The following RNLS variants were observed in gnomAD, a reference collection of about 807,000 sequenced individuals.
RNLS encodes the protein renalase.
Under a neutral mutation model 39.8 loss-of-function variants are expected in RNLS, and 39 were observed. The observed-to-expected ratio is 0.98, with a 90% CI of 0.76 to 1.28. The LOEUF (loss-of-function observed/expected upper bound fraction) is 1.28. Ranked by LOEUF, RNLS falls within the 50% of genes most tolerant of loss-of-function variation. The pLI, the probability that RNLS is intolerant of heterozygous loss-of-function variation, is 0.00. For synonymous variants in RNLS, 147 were observed against 150.7 expected (o/e 0.98, Z 0.18); for missense variants, 410 against 413.3 (o/e 0.99, Z 0.07).
the RNLS span, among the ~76,000 whole-genome samples, chr10:88,212,360 T>G: frequency 6.6e-6 from 1 of 152,206 alleles, no homozygotes; most frequent in East Asian, 1.9e-4. Context: ...ATTTGTCCTG[T>G]GTGTATGTAA....
At chr10:88,381,543 T>C (rs1851496006) in intron 4 of RNLS, among the ~76,000 whole-genome samples, 2 of 151,936 alleles carry the variant, frequency 1.3e-5, no homozygotes, top group Admixed American at 6.6e-5. Context: ...TTTTAAAAAA[T>C]TCTTTTATTA....
chr10:88,279,272 T>C (rs1337336139), downstream of RNLS, among the ~76,000 whole-genome samples: 1 of 152,156 alleles, frequency 6.6e-6, no homozygotes, highest in Non-Finnish European at 1.5e-5. Flanking sequence ...CCTATAGATG[T>C]AGTGACGGCT....
At chr10:88,329,753 A>T (rs1846946800) in intron 5 of RNLS, among the ~76,000 whole-genome samples, 1 of 151,818 alleles carries the variant, frequency 6.6e-6, no homozygotes, top group African/African-American at 2.4e-5. Flanking sequence ...TTAGTTCACC[A>T]TTCTCCTTAC....
chr10:88,272,920 C>T (rs369123110), downstream of RNLS, among the ~76,000 whole-genome samples: 1 of 152,122 alleles, frequency 6.6e-6, no homozygotes, highest in Non-Finnish European at 1.5e-5. Flanking sequence ...AAATACATAT[C>T]CCTAGACCCC....
At chr10:88,243,972 G>A in the RNLS span, among the ~76,000 whole-genome samples, 9 of 152,352 alleles carry the variant, frequency 5.9e-5, no homozygotes, top group South Asian at 4.1e-4. Flanking sequence ...ACTTCAGCCT[G>A]CATCTTGGCC....
downstream of RNLS, among the ~76,000 whole-genome samples, chr10:88,283,459 C>T (rs1158681702): frequency 6.6e-6 from 1 of 152,098 alleles, no homozygotes; most frequent in African/African-American, 2.4e-5. Flanking sequence ...ACAAATATAG[C>T]ATTGTTTTTA....
At chr10:88,232,261 ATCTGAACCACCCTCCAAAGAAGG>A in the RNLS span, among the ~76,000 whole-genome samples, 79 of 152,276 alleles carry the variant, frequency 5.2e-4, no homozygotes, top group African/African-American at 1.8e-3. Flanking sequence ...CCACGACTGC[ATCTGAACCACCCTCCAAAGAAGG>A]TCTGAGGGAA....
chr10:88,212,782 G>A, the RNLS span, among the ~76,000 whole-genome samples: 2 of 152,164 alleles, frequency 1.3e-5, no homozygotes, highest in South Asian at 2.1e-4. Context: ...AATGACTGTC[G>A]GTTTCCCAGG....
At chr10:88,500,640 T>A (rs1020234867) in intron 4 of RNLS, among the ~76,000 whole-genome samples, 2 of 152,130 alleles carry the variant, frequency 1.3e-5, no homozygotes, top group African/African-American at 4.8e-5. Context: ...AAAATAGAAA[T>A]ATATTGGGTT....
At chr10:88,378,206 A>G (rs1291657788) in intron 4 of RNLS, among the ~76,000 whole-genome samples, 1 of 152,118 alleles carries the variant, frequency 6.6e-6, no homozygotes, top group Admixed American at 6.5e-5. Flanking sequence ...TTTACAGCTA[A>G]CTAAAAAAAA....
intron 3 of RNLS, among the ~76,000 whole-genome samples, chr10:88,580,211 C>T (rs1850457513): frequency 2.0e-5 from 3 of 152,176 alleles, no homozygotes; most frequent in Non-Finnish European, 4.4e-5. Flanking sequence ...TATCCATACT[C>T]ACATATACAC....
At position 88,299,301 on chromosome 10, in the gene RNLS, G is replaced by GTA. The variant is rs1167840127; in HGVS notation, c.877-13797_877-13796dup. 3.3e-5 allele frequency among the ~76,000 whole-genome samples: 5 copies of GTA among 152,074 alleles called. 1 individual carries two copies. Among genetic ancestry groups the GTA allele is most frequent in the African/African-American group, 1.2e-4 (5 of 41,406 alleles). On this transcript the variant is annotated intron_variant, in intron 6 of 6. Transcript: ENST00000331772. ...AAGCTCAATTTATCAGTTTCTTTCT[G>GTA]TATGGTTTGCGCTTTTCTGTGTTCT...
chr10:88,329,315 A>G (rs1199573853), intron 5 of RNLS, among the ~76,000 whole-genome samples: 1 of 152,074 alleles, frequency 6.6e-6, no homozygotes, highest in East Asian at 1.9e-4. Flanking sequence ...AGCTTCCCAA[A>G]GTGCTGGGAT....
At chr10:88,475,494 C>T (rs993778114) in intron 4 of RNLS, among the ~76,000 whole-genome samples, 1 of 152,096 alleles carries the variant, frequency 6.6e-6, no homozygotes, top group African/African-American at 2.4e-5. Flanking sequence ...ATCTTTTTAA[C>T]CCTCAGTTGT....
Position 88,583,075 on chromosome 10 carries a change from G to T in RNLS, c.116C>A (p.Ser39Ter), listed in dbSNP as rs775070673. 6.2e-7 allele frequency: 1 copy of T among 1,611,310 alleles called. No individual in the cohort carries two copies. Among genetic ancestry groups the T allele is most frequent in the Non-Finnish European group, 8.5e-7 (1 of 1,178,322 alleles). The change falls in exon 1 of 7, where the codon TCA (serine) becomes TAA (stop). Residue 39 changes from serine to a stop codon, truncating the protein, a stop_gained and splice_region_variant. Transcript: ENST00000331772. LOFTEE classifies it high-confidence loss of function. ...YLAVWDKAED[S>*]GGRMTTACSP... ...GTTTTGGCGTTTAGACAACCCACCT[G>T]AGTCCTCAGCCTTGTCCCACACAGC...
intron 6 of RNLS, among the ~76,000 whole-genome samples, chr10:88,290,930 C>T (rs560987566): frequency 8.5e-5 from 13 of 152,290 alleles, no homozygotes; most frequent in Non-Finnish European, 1.2e-4. Context: ...GGTTTTCAGA[C>T]AGCAACTAGA....
At chr10:88,322,934 G>A (rs1846293927) in intron 5 of RNLS, among the ~76,000 whole-genome samples, 1 of 152,114 alleles carries the variant, frequency 6.6e-6, no homozygotes, top group African/African-American at 2.4e-5. Flanking sequence ...CTTCAGTACA[G>A]TTTCAGGATA....
downstream of RNLS, among the ~76,000 whole-genome samples, chr10:88,282,045 C>T (rs1843028134): frequency 6.6e-6 from 1 of 152,100 alleles, no homozygotes; most frequent in South Asian, 2.1e-4. Flanking sequence ...AATTCAGTGT[C>T]ATTAGCATGC....
chr10:88,448,552 G>T (rs1842178635), intron 4 of RNLS, among the ~76,000 whole-genome samples: 1 of 152,152 alleles, frequency 6.6e-6, no homozygotes, highest in Non-Finnish European at 1.5e-5. Context: ...ACTGTTGGTG[G>T]GACTGTAAAC....
Sources: allele counts gnomAD v4.1 joint callset (sites outside exome capture counted in the v4.1 genomes callset), GRCh38; gene constraint gnomAD v4.1.1; transcripts MANE v1.5; gene names NCBI Gene and HGNC (gene_info 2026-07-23, HGNC 2026-07-21).